The following ABLIM2 variants were observed in gnomAD, a reference collection of about 807,000 sequenced individuals.
ABLIM2 encodes the protein actin binding LIM protein family member 2.
A neutral mutation model predicts 97.7 loss-of-function variants in ABLIM2; 53 were observed. The ratio of observed to expected loss-of-function variants is 0.54; its 90% CI spans 0.44 to 0.68. The LOEUF (loss-of-function observed/expected upper bound fraction) is 0.68, where lower values mean the gene tolerates loss of function less well. ABLIM2 is among the 30% of genes least tolerant of loss of function. ABLIM2 has a pLI of 0.00. For synonymous variants in ABLIM2, 361 were observed against 345.8 expected (o/e 1.04, Z -0.49); for missense variants, 835 against 867.2 (o/e 0.96, Z 0.47).
At chr4:8,025,094 A>G (rs1776462560) in intron 12 of ABLIM2, among the ~76,000 whole-genome samples, 1 of 151,976 alleles carries the variant, frequency 6.6e-6, no homozygotes, top group South Asian at 2.1e-4. Flanking sequence ...CACCCGGCTA[A>G]TTTTTGTATT....
intron 6 of ABLIM2, 54 bp downstream of exon 6, chr4:8,077,574 G>A (rs963612802): frequency 1.3e-5 from 19 of 1,480,356 alleles, no homozygotes; most frequent in Non-Finnish European, 1.8e-5. Context: ...AACTCCCAGG[G>A]GGGCAGTTAG....
At chr4:8,016,656 C>T (rs1418160339) in intron 14 of ABLIM2, among the ~76,000 whole-genome samples, 3 of 152,148 alleles carry the variant, frequency 2.0e-5, no homozygotes, top group Non-Finnish European at 4.4e-5. Context: ...TGAGGCAGGA[C>T]AGCTCCTGCC....
Position 8,158,802 on chromosome 4 carries a change from C to A in ABLIM2, c.-113G>T, listed in dbSNP as rs1716278782. On this transcript the variant is annotated 5_prime_UTR_variant, in exon 1 of 21. Transcript: ENST00000447017. ...CCCGCCCGCCGGCTCCGCGCCCGCT[C>A]CTTGCGCACACGCCAGGCAGCGCCG... The A allele has an allele frequency of 4.0e-6, 4 of 994,096 alleles. No homozygotes were observed. Among genetic ancestry groups the A allele is most frequent in the Non-Finnish European group, 5.1e-6 (4 of 785,584 alleles). 61.6% of individuals were successfully genotyped at this position (994,096 alleles called of 1,614,324 possible). A position where few individuals can be genotyped will look rare whatever the true frequency, so the allele number is the denominator to read the frequency against.
rs557207086 is a variant in ABLIM2, at chr4:8,124,816, C to A, written c.11-18179G>T. On this transcript the variant is annotated intron_variant, in intron 1 of 20. Transcript: ENST00000447017. The surrounding 1 kb of genome is among the most constrained non-coding windows in gnomAD (Gnocchi z 6.1). ...GTCCTGTGGTCACTCTGTGTGCCAC[C>A]TTTCAAGGAACAGTCAGACTATTTT... Among the ~76,000 whole-genome samples the A allele has an allele frequency of 1.1e-3, 164 of 152,228 alleles. No homozygotes were observed. The highest frequency in any genetic ancestry group is 3.1e-3 in the African/African-American group (129 of 41,532).
At chr4:8,114,161 G>A (rs770213620) in intron 1 of ABLIM2, among the ~76,000 whole-genome samples, 19 of 152,344 alleles carry the variant, frequency 1.2e-4, no homozygotes, top group Admixed American at 2.6e-4. Flanking sequence ...GTGCCCGAGG[G>A]ATTTGTCTCC....
Position 8,032,777 on chromosome 4 carries a change from C to T in ABLIM2, c.1048-3001G>A. On this transcript the variant is annotated intron_variant, in intron 10 of 20. Transcript: ENST00000447017. The surrounding 1 kb of genome is among the most constrained non-coding windows in gnomAD (Gnocchi z 4.3). ...CTGGCAGGCAACACAGGCGCAAACA[C>T]CCACACAGAGCCCTGATCCTCCAGA... is the stretch of plus-strand genomic sequence containing the variant. 8.0e-7 allele frequency: 1 copy of T among 1,250,262 alleles called. No homozygotes were observed. Among genetic ancestry groups the T allele is most frequent in the Non-Finnish European group, 1.2e-6 (1 of 855,904 alleles). 77.4% of individuals were successfully genotyped at this position (1,250,262 alleles called of 1,614,324 possible).
At chr4:8,116,696 A>C (rs10516191) in intron 1 of ABLIM2, among the ~76,000 whole-genome samples, 3 of 152,156 alleles carry the variant, frequency 2.0e-5, no homozygotes, top group African/African-American at 7.2e-5. Context: ...TCTTAAGCAA[A>C]ATAAGGATTG....
intron 8 of ABLIM2, among the ~76,000 whole-genome samples, chr4:8,052,639 C>G (rs1425919845): frequency 6.6e-6 from 1 of 152,234 alleles, no homozygotes. Context: ...TGCCTGCCCC[C>G]GTGCAGGCCT....
At chr4:7,991,221 G>A (rs556047313) in intron 17 of ABLIM2, among the ~76,000 whole-genome samples, 1 of 152,264 alleles carries the variant, frequency 6.6e-6, no homozygotes, top group South Asian at 2.1e-4. Flanking sequence ...GATGCTGAGA[G>A]GCATCAATTT....
intron 4 of ABLIM2, among the ~76,000 whole-genome samples, chr4:8,086,400 T>A (rs1341478435): frequency 1.4e-5 from 2 of 146,024 alleles, no homozygotes; most frequent in East Asian, 2.0e-4. Flanking sequence ...CAGGCTGGAG[T>A]GCAGTGGTGC....
chr4:8,045,060 A>G, intron 9 of ABLIM2, 104 bp downstream of exon 9: 1 of 1,006,510 alleles, frequency 9.9e-7, no homozygotes, highest in South Asian at 1.3e-5. Context: ...CCCAGATGAT[A>G]GTTCTCGGAA....
intron 2 of ABLIM2, among the ~76,000 whole-genome samples, chr4:8,106,158 C>T (rs1837298706): frequency 6.6e-6 from 1 of 152,158 alleles, no homozygotes. Context: ...TGACCATGAC[C>T]GTTTATTTAC....
At chr4:8,012,745 T>C (rs1765902774) in intron 14 of ABLIM2, among the ~76,000 whole-genome samples, 1 of 150,770 alleles carries the variant, frequency 6.6e-6, no homozygotes, top group African/African-American at 2.4e-5. Flanking sequence ...TACTCATCTA[T>C]CCATCCATCC....
At chr4:8,096,452 G>A (rs774025261) in intron 3 of ABLIM2, among the ~76,000 whole-genome samples, 5 of 152,154 alleles carry the variant, frequency 3.3e-5, no homozygotes, top group Non-Finnish European at 7.3e-5. Context: ...GTCACGCTAC[G>A]ATGACACAGA....
At chr4:8,013,556 A>G (rs937784772) in intron 14 of ABLIM2, among the ~76,000 whole-genome samples, 13 of 152,212 alleles carry the variant, frequency 8.5e-5, no homozygotes, top group Non-Finnish European at 1.8e-4. Context: ...ATGTTAACAG[A>G]TAATAATAGA....
At chr4:8,081,574 G>A (rs990592942) in intron 4 of ABLIM2, among the ~76,000 whole-genome samples, 5 of 152,342 alleles carry the variant, frequency 3.3e-5, no homozygotes, top group South Asian at 2.1e-4. Context: ...CCTGGTGCAC[G>A]AGCCTGAGCG....
At chr4:8,115,725 TCTC>T (rs1385628189) in intron 1 of ABLIM2, among the ~76,000 whole-genome samples, 1 of 152,098 alleles carries the variant, frequency 6.6e-6, no homozygotes, top group Non-Finnish European at 1.5e-5. Context: ...TGTCGACCCT[TCTC>T]CTATTACCTG....
intron 1 of ABLIM2, among the ~76,000 whole-genome samples, chr4:8,141,195 AC>A (rs1378301610): frequency 6.7e-6 from 1 of 148,258 alleles, no homozygotes; most frequent in East Asian, 2.0e-4. Context: ...CCCTCTCCCC[AC>A]CCCCCGGAGC....
At position 8,033,202 on chromosome 4, in the gene ABLIM2, C is replaced by T. The variant is rs933722515; in HGVS notation, c.1047+2947G>A. ...CTGGCACCCCATCCACCACCACCTG[C>T]ACATATGTTCAGTGAGGAGCATGGA... On this transcript the variant is annotated intron_variant, in intron 10 of 20. Coordinates refer to ENST00000447017, the MANE Select transcript of ABLIM2 (RefSeq NM_001130083.2). This position sits in a 1 kb window ranked among gnomAD's most constrained non-coding sequence, Gnocchi z 4.5. 6.6e-6 allele frequency among the ~76,000 whole-genome samples: 1 copy of T among 152,202 alleles called. No individual in the cohort carries two copies. Among genetic ancestry groups the T allele is most frequent in the African/African-American group, 2.4e-5 (1 of 41,446 alleles).
Sources: allele counts gnomAD v4.1 joint callset (sites outside exome capture counted in the v4.1 genomes callset), GRCh38; gene constraint gnomAD v4.1.1; non-coding constraint Gnocchi (gnomAD v3.1); transcripts MANE v1.5; gene names NCBI Gene and HGNC (gene_info 2026-07-23, HGNC 2026-07-21).